GLI2: variants seen among roughly 807,000 people sequenced by gnomAD.
The protein encoded by GLI2 is GLI family zinc finger 2, also known as transcription activator GLI2.
In GLI2, 22 loss-of-function variants were observed where a neutral mutation model predicts 78.9. That is an observed-to-expected ratio of 0.28 (90% confidence interval 0.20 to 0.40). The LOEUF (loss-of-function observed/expected upper bound fraction) is 0.40, where lower values mean the gene tolerates loss of function less well. GLI2 is among the 10% of genes least tolerant of loss of function. The pLI is 1.00. For synonymous variants in GLI2, 974 were observed against 963.7 expected (o/e 1.01, Z -0.20); for missense variants, 2,097 against 2,213.2 (o/e 0.95, Z 1.05).
chr2:120,748,978 A>T (rs1682780178), intron 1 of GLI2, among the ~76,000 whole-genome samples: 1 of 151,968 alleles, frequency 6.6e-6, no homozygotes, highest in African/African-American at 2.4e-5. Context: ...CCACCCATCC[A>T]TCCATCATAC....
chr2:120,819,683 A>G (rs1278225031), intron 2 of GLI2, among the ~76,000 whole-genome samples: 1 of 152,228 alleles, frequency 6.6e-6, no homozygotes, highest in Admixed American at 6.5e-5. Context: ...ACTTTGCCAC[A>G]GGCAGTTTAT....
At chr2:120,787,640 G>A (rs1004529513) in intron 1 of GLI2, among the ~76,000 whole-genome samples, 3 of 152,218 alleles carry the variant, frequency 2.0e-5, no homozygotes, top group African/African-American at 7.2e-5. Flanking sequence ...CAGGAATCGC[G>A]CTTCAGGAAT....
chr2:120,950,034 C>T (rs1454371708), intron 3 of GLI2, among the ~76,000 whole-genome samples: 2 of 152,204 alleles, frequency 1.3e-5, no homozygotes, highest in Non-Finnish European at 1.5e-5. Context: ...GGTTAGCCCT[C>T]AAAGTGTGGT....
intron 2 of GLI2, among the ~76,000 whole-genome samples, chr2:120,892,446 CCA>C (rs2104753130): frequency 6.6e-6 from 1 of 152,258 alleles, no homozygotes; most frequent in African/African-American, 2.4e-5. Flanking sequence ...AAATCCTGTC[CCA>C]GCTAGCCAGG....
At chr2:120,915,542 C>T (rs1573592906) in intron 2 of GLI2, among the ~76,000 whole-genome samples, 1 of 152,270 alleles carries the variant, frequency 6.6e-6, no homozygotes, top group African/African-American at 2.4e-5. Flanking sequence ...ATCATGGTGC[C>T]ATTTGCATAA....
intron 1 of GLI2, among the ~76,000 whole-genome samples, chr2:120,779,474 C>T (rs1016196552): frequency 1.3e-5 from 2 of 152,172 alleles, no homozygotes; most frequent in Non-Finnish European, 2.9e-5. Flanking sequence ...GCAAAGGTGC[C>T]ACAGAGTGCA....
At chr2:120,757,223 G>A (rs1452613418) in intron 1 of GLI2, among the ~76,000 whole-genome samples, 7 of 52,220 alleles carry the variant, frequency 1.3e-4, no homozygotes, top group African/African-American at 4.8e-4. Context: ...GTACTTTTCT[G>A]CTTTTTTTTT....
intron 2 of GLI2, among the ~76,000 whole-genome samples, chr2:120,914,668 G>A (rs1679005120): frequency 6.6e-6 from 1 of 152,142 alleles, no homozygotes; most frequent in South Asian, 2.1e-4. Flanking sequence ...CCCACCCCTT[G>A]CTAAAGGGGC....
intron 1 of GLI2, among the ~76,000 whole-genome samples, chr2:120,762,925 G>C (rs1683256111): frequency 6.6e-6 from 1 of 152,250 alleles, no homozygotes; most frequent in African/African-American, 2.4e-5. Flanking sequence ...AGGAGGAAAG[G>C]CTTCAGTGGC....
intron 3 of GLI2, among the ~76,000 whole-genome samples, chr2:120,947,686 T>C (rs1240134360): frequency 6.6e-6 from 1 of 152,098 alleles, no homozygotes; most frequent in East Asian, 1.9e-4. Context: ...CCGGCCCTGG[T>C]CATTTCACAC....
Position 120,988,547 on chromosome 2 carries a change from T to A in GLI2, c.2582T>A (p.Leu861Gln). Reference protein sequence around the residue: ...EASQCSGGSGLLNLTPAQQYS... With the variant: ...EASQCSGGSGQLNLTPAQQYS... ...AGCCAGTGCAGCGGCGGCTCCGGGC[T>A]GCTCAACCTCACGCCGGCGCAGCAG... The change falls in exon 14 of 14, where the codon CTG (leucine) becomes CAG (glutamine). Residue 861 changes from leucine (L) to glutamine (Q), a missense_variant. Leu to Gln is a moderately radical substitution (Grantham distance 113, BLOSUM62 -2). Coordinates refer to ENST00000361492, the MANE Select transcript of GLI2 (RefSeq NM_001374353.1). 1 of 1,502,930 alleles carries A rather than the reference T, an allele frequency of 6.7e-7. No homozygotes were observed. The allele number at this position is 1,502,930 out of a possible 1,614,324, so 93.1% of individuals were successfully genotyped here.
intron 2 of GLI2, among the ~76,000 whole-genome samples, chr2:120,881,710 GA>G (rs376233753): frequency 3.1e-4 from 31 of 98,714 alleles, no homozygotes; most frequent in Admixed American, 5.0e-4. Context: ...GGACAGTGGG[GA>G]GAGGGCAGGT....
chr2:120,736,332 C>T (rs1251656089), intron 1 of GLI2, 47 bp downstream of exon 1: 1 of 152,000 alleles, frequency 6.6e-6, no homozygotes, highest in Non-Finnish European at 1.5e-5. Context: ...TGACGAAGCG[C>T]CTCCCACCTC....
chr2:120,983,678 C>T (rs1048546947), intron 11 of GLI2, among the ~76,000 whole-genome samples: 18 of 152,348 alleles, frequency 1.2e-4, no homozygotes, highest in Non-Finnish European at 2.4e-4. Flanking sequence ...AGGGAGAAAG[C>T]AGGGCAAGAG....
At chr2:120,941,212 G>A (rs987045736) in intron 3 of GLI2, among the ~76,000 whole-genome samples, 2 of 152,238 alleles carry the variant, frequency 1.3e-5, no homozygotes, top group Non-Finnish European at 2.9e-5. Flanking sequence ...GTTTGAGGAA[G>A]GGACAGTTCT....
chr2:120,736,045 C>T lies in GLI2; in HGVS notation c.-271C>T, dbSNP rs1276998526. The stretch of plus-strand genomic sequence containing the variant: ...AGGAGCCGGAGGAAAGAGCTTGGGC[C>T]GCGCGGCGCGCCGCAGCCTCGGGGA... On this transcript the variant is annotated 5_prime_UTR_variant, in exon 1 of 14. Coordinates refer to ENST00000361492, the MANE Select transcript of GLI2 (RefSeq NM_001374353.1). 1.3e-5 allele frequency among the ~76,000 whole-genome samples: 2 copies of T among 151,558 alleles called. No individual in the cohort carries two copies. The highest frequency in any genetic ancestry group is 4.8e-5 in the African/African-American group (2 of 41,406).
At chr2:120,895,971 G>A (rs1677922431) in intron 2 of GLI2, among the ~76,000 whole-genome samples, 1 of 152,226 alleles carries the variant, frequency 6.6e-6, no homozygotes, top group Admixed American at 6.5e-5. Flanking sequence ...TGAGACAGAT[G>A]TGACTCTCCC....
intron 12 of GLI2, among the ~76,000 whole-genome samples, chr2:120,984,987 G>A (rs898084304): frequency 1.3e-5 from 2 of 152,206 alleles, no homozygotes; most frequent in African/African-American, 4.8e-5. Context: ...CTGGGTGACA[G>A]GGATGCCGCC....
chr2:120,935,058 A>ATT (rs1680128692), intron 3 of GLI2, among the ~76,000 whole-genome samples: 1 of 152,130 alleles, frequency 6.6e-6, no homozygotes, highest in Admixed American at 6.5e-5. Flanking sequence ...GAGGTTCACG[A>ATT]TTCATAGAGG....
Sources: allele counts gnomAD v4.1 joint callset (sites outside exome capture counted in the v4.1 genomes callset), GRCh38; gene constraint gnomAD v4.1.1; transcripts MANE v1.5; gene names NCBI Gene and HGNC (gene_info 2026-07-23, HGNC 2026-07-21).